The following PCDHGB2 variants were observed in gnomAD, a reference collection of about 807,000 sequenced individuals.
The protein encoded by PCDHGB2 is protocadherin gamma-B2.
In PCDHGB2, 55 loss-of-function variants were observed where a neutral mutation model predicts 59.3. That is an observed-to-expected ratio of 0.93 (90% confidence interval 0.75 to 1.16). PCDHGB2 has a LOEUF of 1.16. Among genes scored for constraint, PCDHGB2 ranks in the 50% most tolerant of loss-of-function variants. The pLI, the probability that PCDHGB2 is intolerant of heterozygous loss-of-function variation, is 0.00. For synonymous variants in PCDHGB2, 516 were observed against 512.0 expected (o/e 1.01, Z -0.11); for missense variants, 1,228 against 1,198.5 (o/e 1.02, Z -0.36).
At chr5:141,421,429 G>T in intron 1 of PCDHGB2, 1 of 1,614,090 alleles carries the variant, frequency 6.2e-7, no homozygotes, top group Non-Finnish European at 8.5e-7. Flanking sequence ...AGTCCGCATC[G>T]TCTCCAGAGG....
chr5:141,470,627 G>A (rs977900352), intron 1 of PCDHGB2, among the ~76,000 whole-genome samples: 3 of 152,154 alleles, frequency 2.0e-5, no homozygotes, highest in Non-Finnish European at 2.9e-5. Flanking sequence ...TGCTTAGATA[G>A]GCCCCCTTGC....
intron 1 of PCDHGB2, chr5:141,394,021 G>C (rs2092901030): frequency 6.2e-7 from 1 of 1,613,480 alleles, no homozygotes; most frequent in Non-Finnish European, 8.5e-7. Flanking sequence ...AATTATTATA[G>C]ATTAGTGACA....
intron 1 of PCDHGB2, among the ~76,000 whole-genome samples, chr5:141,472,980 C>CAAAAAAAAAAAAAA (rs60579131): frequency 5.8e-5 from 5 of 86,102 alleles, no homozygotes; most frequent in Admixed American, 1.2e-4. Context: ...GAGTGAAACT[C>CAAAAAAAAAAAAAA]AAAAAAAAAA....
Position 141,360,660 on chromosome 5 carries a change from C to G in PCDHGB2, c.525C>G (p.Asn175Lys). The G allele has an allele frequency of 6.2e-7, 1 of 1,613,968 alleles. No individual in the cohort carries two copies. The highest frequency in any genetic ancestry group is 8.5e-7 in the Non-Finnish European group (1 of 1,179,900). Residue 175 changes from asparagine (N) to lysine (K), a missense_variant, in exon 1 of 4, where the codon AAC becomes AAG. Asn to Lys is a moderately conservative substitution (Grantham distance 94). This residue lies in a region of PCDHGB2 where 781 missense variants were observed against 721.6 expected (regional missense o/e 1.08). Transcript: ENST00000522605. ...NSLQRYHLNDNEYFDLAEKQT... is the reference protein window; with the variant it reads ...NSLQRYHLNDKEYFDLAEKQT... ...TACAAAGATACCACCTTAATGACAA[C>G]GAGTACTTTGATCTCGCTGAGAAAC...
chr5:141,432,079 G>A lies in PCDHGB2; in HGVS notation c.2422-62728G>A, dbSNP rs138510025. On this transcript the variant is annotated intron_variant, in intron 1 of 3. Transcript: ENST00000522605. The surrounding 1 kb of genome is among the most constrained non-coding windows in gnomAD (Gnocchi z 6.0). ...TATCCACGGAAACTCATATCTCGCT[G>A]AACGTGGCAGACACCAACGACAACC... 1.6e-4 allele frequency: 252 copies of A among 1,614,054 alleles called. No homozygotes were observed. The highest frequency in any genetic ancestry group is 8.1e-5 in the Non-Finnish European group (96 of 1,180,048).
chr5:141,371,708 C>A (rs1767965097), intron 1 of PCDHGB2: 1 of 1,614,064 alleles, frequency 6.2e-7, no homozygotes, highest in East Asian at 2.2e-5. Flanking sequence ...GCAAGACCAT[C>A]ACTCTGCACA....
intron 1 of PCDHGB2, among the ~76,000 whole-genome samples, chr5:141,474,703 C>G (rs2099353282): frequency 6.6e-6 from 1 of 152,188 alleles, no homozygotes; most frequent in Admixed American, 6.5e-5. Flanking sequence ...GTTCAAGGTT[C>G]TATTATACTT....
chr5:141,475,950 C>A, intron 1 of PCDHGB2: 1 of 761,530 alleles, frequency 1.3e-6, no homozygotes, highest in African/African-American at 1.7e-5. Flanking sequence ...CCCCTTTCTG[C>A]GCCCCGGGAT....
At chr5:141,368,190 GA>G (rs1352069840) in intron 1 of PCDHGB2, among the ~76,000 whole-genome samples, 2 of 152,032 alleles carry the variant, frequency 1.3e-5, no homozygotes, top group African/African-American at 4.8e-5. Flanking sequence ...TAAATAAGGG[GA>G]AAAGGTAATA....
At position 141,511,256 on chromosome 5, in the gene PCDHGB2, T is replaced by C. The variant is rs1003866304; in HGVS notation, c.*83T>C. On this transcript the variant is annotated 3_prime_UTR_variant, in exon 4 of 4. Transcript: ENST00000522605. ...CTTACCTGCACCCAGGCCTCAGAGT[T>C]TCAGGGCTAACCCCCAGAATACTGG... The C allele has an allele frequency of 1.9e-6, 3 of 1,563,388 alleles. No homozygotes were observed. The highest frequency in any genetic ancestry group is 2.7e-5 in the African/African-American group (2 of 73,508).
chr5:141,409,942 C>G, intron 1 of PCDHGB2: 2 of 1,613,284 alleles, frequency 1.2e-6, no homozygotes, highest in Non-Finnish European at 1.7e-6. Context: ...TGGTACCTCG[C>G]TCTGCAGAGC....
intron 1 of PCDHGB2, chr5:141,422,289 T>A: frequency 1.3e-6 from 2 of 1,553,678 alleles, no homozygotes; most frequent in Non-Finnish European, 1.7e-6. Context: ...CCTCTTCTAT[T>A]AATTCAATTC....
intron 1 of PCDHGB2, among the ~76,000 whole-genome samples, chr5:141,473,907 C>T (rs552055360): frequency 2.0e-4 from 30 of 152,220 alleles, no homozygotes; most frequent in African/African-American, 7.2e-4. Context: ...ATGAAGAGGT[C>T]TTAAGAAAAC....
At chr5:141,434,920 A>G (rs927245955) in intron 1 of PCDHGB2, among the ~76,000 whole-genome samples, 3 of 151,796 alleles carry the variant, frequency 2.0e-5, no homozygotes, top group East Asian at 1.9e-4. Flanking sequence ...ATTTATGTAC[A>G]TATATTTTAT....
chr5:141,451,739 G>A (rs1343538104), intron 1 of PCDHGB2, among the ~76,000 whole-genome samples: 1 of 152,082 alleles, frequency 6.6e-6, no homozygotes, highest in East Asian at 1.9e-4. Flanking sequence ...AAAATTAGCT[G>A]GTCTGGTGGT....
chr5:141,393,586 G>A lies in PCDHGB2; in HGVS notation c.2421+31030G>A, dbSNP rs1486061309. 2 of 1,613,922 alleles carry A rather than the reference G, an allele frequency of 1.2e-6. No individual in the cohort carries two copies. Among genetic ancestry groups the A allele is most frequent in the Admixed American group, 3.3e-5 (2 of 60,028 alleles). ...AAAGTCCTTGAGAACATGCCCCCAGGCACGCGGCTGCTTACTGTAACAGCC... is the reference window on the plus strand; with the variant it reads ...AAAGTCCTTGAGAACATGCCCCCAGACACGCGGCTGCTTACTGTAACAGCC... On this transcript the variant is annotated intron_variant, in intron 1 of 3. Transcript: ENST00000522605.
At chr5:141,369,250 A>G (rs536586980) in intron 1 of PCDHGB2, among the ~76,000 whole-genome samples, 86 of 152,320 alleles carry the variant, frequency 5.6e-4, no homozygotes, top group African/African-American at 2.0e-3. Context: ...ATAATTAAAT[A>G]ATATAATTAT....
intron 1 of PCDHGB2, chr5:141,374,021 CA>C (rs1013436249): frequency 5.0e-6 from 7 of 1,406,050 alleles, no homozygotes; most frequent in Non-Finnish European, 6.5e-6. Context: ...CTGAGAAGAG[CA>C]AAAGTGATGC....
chr5:141,385,604 C>T, intron 1 of PCDHGB2: 1 of 1,188,174 alleles, frequency 8.4e-7, no homozygotes, highest in Non-Finnish European at 1.1e-6. Flanking sequence ...TTTCTTAACT[C>T]ATATATTTTA....
Sources: allele counts gnomAD v4.1 joint callset (sites outside exome capture counted in the v4.1 genomes callset), GRCh38; gene constraint gnomAD v4.1.1; regional missense constraint gnomAD v4.1.1; non-coding constraint Gnocchi (gnomAD v3.1); transcripts MANE v1.5; gene names NCBI Gene and HGNC (gene_info 2026-07-23, HGNC 2026-07-21).